Variants in INSL6 observed in about 807,000 individuals in gnomAD.
INSL6 encodes insulin-like peptide INSL6.
A neutral mutation model predicts 9.4 loss-of-function variants in INSL6; 16 were observed. That is an observed-to-expected ratio of 1.70 (90% CI 1.15 to 2.59). The LOEUF is 2.59. INSL6 is among the 30% of genes most tolerant of loss of function. INSL6 has a pLI of 0.00. For synonymous variants in INSL6, 154 were observed against 96.9 expected (o/e 1.59, Z -3.46); for missense variants, 391 against 257.3 (o/e 1.52, Z -3.56).
the INSL6 span, among the ~76,000 whole-genome samples, chr9:5,032,148 T>A: frequency 2.0e-5 from 3 of 152,222 alleles, no homozygotes; most frequent in Non-Finnish European, 1.5e-5. Flanking sequence ...GCCTCGCTCA[T>A]TGCTAGCACA....
the INSL6 span, among the ~76,000 whole-genome samples, chr9:5,117,559 G>C: frequency 6.6e-6 from 1 of 152,034 alleles, no homozygotes; most frequent in Non-Finnish European, 1.5e-5. Context: ...ACATTGAAGA[G>C]ACTTGCAAAA....
chr9:5,070,291 C>T, the INSL6 span, among the ~76,000 whole-genome samples: 1 of 152,090 alleles, frequency 6.6e-6, no homozygotes, highest in South Asian at 2.1e-4. Context: ...AATGATTCTT[C>T]ACAAATCTCA....
At chr9:5,065,057 T>A in the INSL6 span, 1 of 1,488,368 alleles carries the variant, frequency 6.7e-7, no homozygotes, top group Non-Finnish European at 9.0e-7. Context: ...AATACAGACT[T>A]AAAAGTAAAT....
At chr9:5,037,005 C>A in the INSL6 span, among the ~76,000 whole-genome samples, 1 of 151,084 alleles carries the variant, frequency 6.6e-6, no homozygotes, top group East Asian at 1.9e-4. Context: ...TGAACTCTAA[C>A]AAATTTACAA....
At chr9:5,007,095 CTTTAT>C in the INSL6 span, among the ~76,000 whole-genome samples, 2 of 151,772 alleles carry the variant, frequency 1.3e-5, no homozygotes, top group African/African-American at 4.8e-5. Context: ...CTTTGCTTTT[CTTTAT>C]TTTATTTTTA....
chr9:5,110,861 G>C, the INSL6 span: 1 of 489,992 alleles, frequency 2.0e-6, no homozygotes, highest in Non-Finnish European at 3.9e-6. Context: ...GCTTCATGCC[G>C]CCGCGCCCAG....
At chr9:5,034,089 TC>T in the INSL6 span, among the ~76,000 whole-genome samples, 1 of 152,094 alleles carries the variant, frequency 6.6e-6, no homozygotes, top group African/African-American at 2.4e-5. Context: ...GGGATTGCAA[TC>T]CTAGTCTCGG....
At chr9:5,106,610 C>T in the INSL6 span, among the ~76,000 whole-genome samples, 95,704 of 152,130 alleles carry the variant, frequency 0.63, 32,192 homozygotes, top group African/African-American at 0.88. Context: ...TGTATGTTTA[C>T]TGTGGCACTA....
the INSL6 span, among the ~76,000 whole-genome samples, chr9:4,999,102 GGCGTGA>G: frequency 1.3e-5 from 2 of 152,278 alleles, no homozygotes; most frequent in East Asian, 1.9e-4. Context: ...TGGGATTACA[GGCGTGA>G]GCCACCGCAC....
chr9:4,992,219 G>A, the INSL6 span, among the ~76,000 whole-genome samples: 2 of 152,206 alleles, frequency 1.3e-5, no homozygotes, highest in Non-Finnish European at 2.9e-5. Context: ...CTGTTAACTG[G>A]AGCATGTACA....
the INSL6 span, chr9:5,097,479 A>T: frequency 6.6e-6 from 1 of 152,208 alleles, no homozygotes; most frequent in Non-Finnish European, 1.5e-5. Context: ...GCATAGTATG[A>T]GCCATAATAT....
chr9:5,056,784 GA>G, the INSL6 span, among the ~76,000 whole-genome samples: 12 of 152,136 alleles, frequency 7.9e-5, no homozygotes, highest in African/African-American at 2.9e-4. Flanking sequence ...ATCTTAATGT[GA>G]ACAAACTGTA....
the INSL6 span, chr9:5,114,016 G>A: frequency 3.3e-6 from 1 of 305,124 alleles, no homozygotes; most frequent in Admixed American, 4.1e-5. Flanking sequence ...GATGTGAACT[G>A]GTCCATCGCC....
chr9:5,146,778 G>T (rs1039432531), intron 2 of INSL6, among the ~76,000 whole-genome samples: 3 of 152,194 alleles, frequency 2.0e-5, no homozygotes, highest in African/African-American at 4.8e-5. Context: ...TGGGTTTGGG[G>T]GAAGCTTCAG....
chr9:5,030,177 C>G, the INSL6 span, among the ~76,000 whole-genome samples: 322 of 152,260 alleles, frequency 2.1e-3, 2 homozygotes, highest in African/African-American at 7.1e-3. Context: ...AACAAAATCA[C>G]AGTGGCCTTT....
the INSL6 span, among the ~76,000 whole-genome samples, chr9:5,079,256 T>A: frequency 1.5e-4 from 23 of 151,144 alleles, no homozygotes; most frequent in Non-Finnish European, 2.8e-4. Context: ...TGTATTCATA[T>A]GGTGAAGGTA....
At chr9:5,026,955 TAAAACTTGA>T in the INSL6 span, among the ~76,000 whole-genome samples, 1 of 152,244 alleles carries the variant, frequency 6.6e-6, no homozygotes, top group Non-Finnish European at 1.5e-5. Context: ...ATGTATTGTG[TAAAACTTGA>T]CACATTGTTC....
chr9:5,025,207 G>A, the INSL6 span, among the ~76,000 whole-genome samples: 1 of 151,916 alleles, frequency 6.6e-6, no homozygotes, highest in Non-Finnish European at 1.5e-5. Flanking sequence ...TTTCACTGAT[G>A]TTACTCTTTT....
At chr9:5,116,838 TATGTATA>T in the INSL6 span, among the ~76,000 whole-genome samples, 2 of 152,204 alleles carry the variant, frequency 1.3e-5, no homozygotes, top group African/African-American at 4.8e-5. Flanking sequence ...GGAAAAGTCA[TATGTATA>T]ATATGGCACT....
Sources: gnomAD v4.1 joint callset for allele counts (sites outside exome capture counted in the v4.1 genomes callset) on GRCh38, gnomAD v4.1.1 for gene constraint, MANE v1.5 for transcripts, NCBI Gene and HGNC (gene_info 2026-07-23, HGNC 2026-07-21) for gene names.